LTBP4: variants seen among roughly 807,000 people sequenced by gnomAD.
LTBP4 encodes latent transforming growth factor beta binding protein 4, also known as latent-transforming growth factor beta-binding protein 4.
In LTBP4, 93 loss-of-function variants were observed where a neutral mutation model predicts 180.2. The observed-to-expected ratio is 0.52, with a 90% CI of 0.44 to 0.61. The LOEUF is 0.61. LTBP4 is among the 20% of genes least tolerant of loss of function. The pLI is 0.00. For missense variants in LTBP4, 2,116 were observed against 2,256.5 expected (o/e 0.94, Z 1.26); for synonymous variants, 947 against 934.5 (o/e 1.01, Z -0.24).
In LTBP4 at chr19:40,614,052, C is replaced by T; in HGVS notation, c.2680+14C>T. The T allele has an allele frequency of 6.2e-7, 1 of 1,611,662 alleles. No individual in the cohort carries two copies. The highest frequency in any genetic ancestry group is 8.5e-7 in the Non-Finnish European group (1 of 1,179,556). On this transcript the variant is annotated intron_variant, in intron 18 of 29. Transcript: ENST00000396819. ...CCTCCTGCCTCGGTGAGAGGCCCCG[C>T]CCCGGCCTGATCCCTCCTCCCTTCG...
At chr19:40,608,950 AG>A (rs371149154) in intron 9 of LTBP4, 307 of 226,310 alleles carry the variant, frequency 1.4e-3, no homozygotes, top group African/African-American at 7.0e-3. Flanking sequence ...GGGGTATTAC[AG>A]GTGGGATTCT....
Position 40,605,871 on chromosome 19 carries a change from A to G in LTBP4, c.793+40A>G, listed in dbSNP as rs1420569165. On this transcript the variant is annotated intron_variant, in intron 4 of 29. Coordinates refer to ENST00000396819, the MANE Select transcript of LTBP4 (RefSeq NM_001042545.2). The surrounding 1 kb of genome is among the most constrained non-coding windows in gnomAD (Gnocchi z 5.5). ...GTCCCCGAAGTGCTCGGAGCTGGGG[A>G]GTGGTGACAACCTCACCGTTCCTCC... is the stretch of plus-strand genomic sequence containing the variant. 2.0e-6 allele frequency: 3 copies of G among 1,523,648 alleles called. No homozygotes were observed. The highest frequency in any genetic ancestry group is 1.2e-5 in the South Asian group (1 of 83,498). The allele number at this position is 1,523,648 out of a possible 1,614,324, so 94.4% of individuals were successfully genotyped here.
Position 40,629,637 on chromosome 19 carries a change from G to A in LTBP4, c.*87G>A. ...GCAGCCCGCTTATGCGTATGTGCAC[G>A]GGGCCGCCCGCCTGGACCTGGAGAA... On this transcript the variant is annotated 3_prime_UTR_variant, in exon 30 of 30. Transcript: ENST00000396819. This position sits in a 1 kb window ranked among gnomAD's most constrained non-coding sequence, Gnocchi z 4.5. The A allele has an allele frequency of 8.0e-7, 1 of 1,254,184 alleles. No individual in the cohort carries two copies. The highest frequency in any genetic ancestry group is 3.0e-4 in the Middle Eastern group (1 of 3,338). The allele number at this position is 1,254,184 out of a possible 1,614,324, so 77.7% of individuals were successfully genotyped here. A position where few individuals can be genotyped will look rare whatever the true frequency, so the allele number is the denominator to read the frequency against.
chr19:40,595,712 T>C (rs148512456), intron 1 of LTBP4, among the ~76,000 whole-genome samples: 149 of 152,048 alleles, frequency 9.8e-4, no homozygotes, highest in Non-Finnish European at 1.7e-3. Flanking sequence ...CTCTCTTTTA[T>C]ATAGTTTTAT....
At position 40,607,542 on chromosome 19, in the gene LTBP4, G is replaced by C. The variant is rs1446596943; in HGVS notation, c.1156+13G>C. The C allele has an allele frequency of 1.2e-6, 2 of 1,601,996 alleles. No individual in the cohort carries two copies. The highest frequency in any genetic ancestry group is 1.1e-5 in the South Asian group (1 of 89,584). ...CCCTTCGGCTCAGGTGAGCCCCTGC[G>C]GCAGTGCCTAGCCCTACGCGCAACA... On this transcript the variant is annotated intron_variant, in intron 7 of 29. Transcript: ENST00000396819.
chr19:40,601,662 G>T, intron 1 of LTBP4, 25 bp downstream of exon 1: 2 of 1,334,688 alleles, frequency 1.5e-6, no homozygotes, highest in Non-Finnish European at 1.9e-6. Context: ...GTGGTCCCGA[G>T]AGAGCGGCTC....
At chr19:40,615,557 A>T (rs151338516) in intron 19 of LTBP4, among the ~76,000 whole-genome samples, 2 of 152,298 alleles carry the variant, frequency 1.3e-5, no homozygotes, top group East Asian at 3.9e-4. Flanking sequence ...CAGGAGATCG[A>T]GACTAGCCTG....
chr19:40,595,904 G>GTTT (rs2081387208), intron 1 of LTBP4, among the ~76,000 whole-genome samples: 1 of 85,314 alleles, frequency 1.2e-5, no homozygotes, highest in African/African-American at 4.7e-5. Flanking sequence ...CTAATTTTTG[G>GTTT]ATTTTTTTTT....
Position 40,629,739 on chromosome 19 carries a change from G to A in LTBP4, c.*189G>A. ...ACCAGCGCCTCCCACTGATGTCGTG[G>A]TCCCGGGCCTGGCCCAGGGGCCCCT... On this transcript the variant is annotated 3_prime_UTR_variant, in exon 30 of 30. Coordinates refer to ENST00000396819, the MANE Select transcript of LTBP4 (RefSeq NM_001042545.2). The surrounding 1 kb of genome is among the most constrained non-coding windows in gnomAD (Gnocchi z 4.5). The A allele has an allele frequency of 2.0e-6, 1 of 499,138 alleles. No individual in the cohort carries two copies. Among genetic ancestry groups the A allele is most frequent in the Non-Finnish European group, 3.1e-6 (1 of 326,752 alleles). The allele number at this position is 499,138 out of a possible 1,614,324, so 30.9% of individuals were successfully genotyped here. A position where few individuals can be genotyped will look rare whatever the true frequency, so the allele number is the denominator to read the frequency against.
At chr19:40,596,625 T>C (rs1050512397), upstream of LTBP4, among the ~76,000 whole-genome samples, 9 of 151,892 alleles carry the variant, frequency 5.9e-5, no homozygotes, top group Non-Finnish European at 1.0e-4. Flanking sequence ...AAGCCCAGGG[T>C]CTTGAGAAGA....
upstream of LTBP4, chr19:40,599,335 C>T: frequency 2.5e-6 from 4 of 1,611,146 alleles, no homozygotes; most frequent in Non-Finnish European, 2.5e-6. Flanking sequence ...CATCCCTCCC[C>T]TCATCCCAGT....
rs769957067 is a variant in LTBP4 at position 40,627,112 on chromosome 19, T to C, written c.4123T>C (p.Tyr1375His). The C allele has an allele frequency of 6.2e-6, 10 of 1,613,928 alleles. No individual in the cohort carries two copies. Among genetic ancestry groups the C allele is most frequent in the Non-Finnish European group, 8.5e-6 (10 of 1,179,848 alleles). ...GGGCCTCCCATATGGGCCTGAGTTG[T>C]ACCCACCACCTGCGCTACCCTACGA... The part of the protein sequence containing the change: ...YQGLPYGPEL[Y>H]PPPALPYDPY... The change falls in exon 28 of 30, where the codon TAC becomes CAC. Residue 1375 changes from tyrosine (Y) to histidine (H), a missense_variant. Coordinates refer to ENST00000396819, the MANE Select transcript of LTBP4 (RefSeq NM_001042545.2).
At chr19:40,602,302 G>A (rs532929616) in intron 1 of LTBP4, among the ~76,000 whole-genome samples, 1 of 151,586 alleles carries the variant, frequency 6.6e-6, no homozygotes, top group East Asian at 2.0e-4. Flanking sequence ...GGAGGGGACA[G>A]GAGGTGTATG....
Position 40,627,789 on chromosome 19 carries a change from T to C in LTBP4, c.4451T>C (p.Val1484Ala). 8 of 1,567,972 alleles carry C rather than the reference T, an allele frequency of 5.1e-6. No individual in the cohort carries two copies. The highest frequency in any genetic ancestry group is 6.9e-6 in the Non-Finnish European group (8 of 1,161,130). The part of the protein sequence containing the change: ...DGCTNGRCVR[V>A]PEGFTCRCFD... Reference sequence around the variant, plus strand: ...TGCACCAACGGCCGCTGCGTGCGCGTCCCCGAAGGCTTCACCTGCCGTTGC... The same window carrying C: ...TGCACCAACGGCCGCTGCGTGCGCGCCCCCGAAGGCTTCACCTGCCGTTGC... Residue 1484 changes from valine (V) to alanine (A), a missense_variant, in exon 29 of 30, where the codon GTC (valine) becomes GCC (alanine). Around this residue, in one of 5 missense-constraint regions of LTBP4, gnomAD observed 488 missense variants for 458.8 expected, o/e 1.06. Transcript: ENST00000396819.
chr19:40,616,927 G>A lies in LTBP4; in HGVS notation c.2851G>A (p.Gly951Arg), dbSNP rs758824507. 8 of 1,613,984 alleles carry A rather than the reference G, an allele frequency of 5.0e-6. No homozygotes were observed. In the South Asian group the frequency reaches 8.8e-5, roughly 18 times the overall value. ...ECQEYGPEICGAQRCENTPGS... is the reference protein window; with the variant it reads ...ECQEYGPEICRAQRCENTPGS... ...CCAAGAATATGGTCCCGAGATTTGT[G>A]GAGCCCAGCGTTGTGAGAACACCCC... Residue 951 changes from glycine (G) to arginine (R), a missense_variant, in exon 20 of 30, where the codon GGA becomes AGA. Physicochemically the swap from Gly to Arg is moderately radical, Grantham distance 125 (BLOSUM62 -2). Coordinates refer to ENST00000396819, the MANE Select transcript of LTBP4 (RefSeq NM_001042545.2).
At chr19:40,607,225 T>A in intron 6 of LTBP4, 140 bp from the exon 7 acceptor site, 1 of 753,164 alleles carries the variant, frequency 1.3e-6, no homozygotes, top group Non-Finnish European at 2.2e-6. Context: ...CTTCAGACCC[T>A]CTCAGACCTC....
Position 40,626,989 on chromosome 19 carries a change from C to T in LTBP4, c.4000C>T (p.Leu1334=). Residue 1334 remains leucine (L), a synonymous_variant, in exon 28 of 30, where the codon CTG becomes TTG. Coordinates refer to ENST00000396819, the MANE Select transcript of LTBP4 (RefSeq NM_001042545.2). ...CCTGTTCCCAGATGACTTCGAGGCC[C>T]TGTGCAATGTGCTACGCCCCCCCGC... ...PAQDSDDFEA[L]CNVLRPPAYS... 1 of 1,567,196 alleles carries T rather than the reference C, an allele frequency of 6.4e-7. No homozygotes were observed. Among genetic ancestry groups the T allele is most frequent in the Non-Finnish European group, 8.7e-7 (1 of 1,152,924 alleles).
rs1241555883 is a variant in LTBP4, at chr19:40,627,289, C to G, written c.4300C>G (p.Arg1434Gly). 1 of 1,514,094 alleles carries G rather than the reference C, an allele frequency of 6.6e-7. No homozygotes were observed. The highest frequency in any genetic ancestry group is 8.8e-7 in the Non-Finnish European group (1 of 1,133,286). The allele number at this position is 1,514,094 out of a possible 1,614,324, so 93.8% of individuals were successfully genotyped here. A position where few individuals can be genotyped will look rare whatever the true frequency, so the allele number is the denominator to read the frequency against. Reference sequence around the variant, plus strand: ...TGGCCCGGGCACCCGCTGGCCCTATCGGTCCCGGGACACCCGCCGCTCCTT... The same window carrying G: ...TGGCCCGGGCACCCGCTGGCCCTATGGGTCCCGGGACACCCGCCGCTCCTT... ...PPGPGTRWPY[R>G]SRDTRRSFPE... The change falls in exon 28 of 30, where the codon CGG (arginine) becomes GGG (glycine). Residue 1434 changes from arginine (R) to glycine (G), a missense_variant. By Grantham distance (125) the Arg-to-Gly change is moderately radical (BLOSUM62 -2). Transcript: ENST00000396819.
upstream of LTBP4, chr19:40,599,198 G>A (rs1245008042): frequency 2.5e-6 from 4 of 1,607,804 alleles, no homozygotes; most frequent in African/African-American, 1.3e-5. Context: ...TATTTATAGC[G>A]TTGCTGTTTG....
Sources: gnomAD v4.1 joint callset for allele counts (sites outside exome capture counted in the v4.1 genomes callset) on GRCh38, gnomAD v4.1.1 for gene constraint, gnomAD v4.1.1 regional missense constraint, Gnocchi (gnomAD v3.1) non-coding constraint, MANE v1.5 for transcripts, NCBI Gene and HGNC (gene_info 2026-07-23, HGNC 2026-07-21) for gene names.